Variants in TCP10L observed in about 807,000 individuals in gnomAD.
TCP10L encodes T-complex protein 10A homolog 1.
Under a neutral mutation model 19.2 loss-of-function variants are expected in TCP10L, and 11 were observed. The observed-to-expected ratio is 0.57, with a 90% CI of 0.36 to 0.95. The LOEUF is 0.95. Among genes scored for constraint, TCP10L ranks in the 40% least tolerant of loss-of-function variants. The probability of loss-of-function intolerance (pLI) is 0.01; values close to 1 mark genes in which losing one functional copy is unlikely to be tolerated. For missense variants in TCP10L, 247 were observed against 263.9 expected, an observed-to-expected ratio of 0.94 and a Z score of 0.44; for synonymous variants, 96 against 97.2, an observed-to-expected ratio of 0.99 and a Z score of 0.07.
In TCP10L at chr21:32,578,578, G is replaced by A; in HGVS notation, c.498+116C>T. On this transcript the variant is annotated intron_variant, in intron 4 of 4. Transcript: ENST00000300258. The surrounding 1 kb of genome is among the most constrained non-coding windows in gnomAD (Gnocchi z 4.2). ...GTCCTTGGAAGAACACAGGACTCCA[G>A]GGAGCACCATGCTCACCCAGGGAGG... 1 of 1,467,448 alleles carries A rather than the reference G, an allele frequency of 6.8e-7. No individual in the cohort carries two copies. Among genetic ancestry groups the A allele is most frequent in the Non-Finnish European group, 9.2e-7 (1 of 1,086,160 alleles). The allele number at this position is 1,467,448 out of a possible 1,614,324, so 90.9% of individuals were successfully genotyped here.
rs1453356190 is a variant in TCP10L, at chr21:32,578,873, G to T, written c.361-42C>A. The T allele has an allele frequency of 1.9e-6, 3 of 1,612,518 alleles. No individual in the cohort carries two copies. Among genetic ancestry groups the T allele is most frequent in the South Asian group, 2.2e-5 (2 of 90,782 alleles). ...AGGGAAATTCTTCACATTTTCGAAG[G>T]TAAAATAAATTCAAATTTTAATACA... On this transcript the variant is annotated intron_variant, in intron 3 of 4. Coordinates refer to ENST00000300258, the MANE Select transcript of TCP10L (RefSeq NM_144659.7). This position sits in a 1 kb window ranked among gnomAD's most constrained non-coding sequence, Gnocchi z 4.2.
Position 32,584,113 on chromosome 21 carries a change from G to C in TCP10L, c.144+48C>G, listed in dbSNP as rs774859738. 54 of 1,563,898 alleles carry C rather than the reference G, an allele frequency of 3.5e-5. No individual in the cohort carries two copies. In the East Asian group the frequency reaches 1.2e-3, roughly 36 times the overall value. ...TGACGGGCCTCAGGGACAGGAATCA[G>C]GGTCCCGCCTGGTGGGACTAACTCT... is the stretch of plus-strand genomic sequence containing the variant. On this transcript the variant is annotated intron_variant, in intron 2 of 4. Transcript: ENST00000300258.
In TCP10L at chr21:32,576,301, C is replaced by T; in HGVS notation, c.*473G>A. On this transcript the variant is annotated 3_prime_UTR_variant, in exon 5 of 5. Transcript: ENST00000300258. The stretch of plus-strand genomic sequence containing the variant: ...TTTTCTGCCACTCAAGTTTTGCAGA[C>T]TTCGGGAAGATGGATGCATAGCCTG... 6.4e-7 allele frequency: 1 copy of T among 1,568,354 alleles called. No individual in the cohort carries two copies. The highest frequency in any genetic ancestry group is 1.7e-5 in the Admixed American group (1 of 58,028).
At chr21:32,583,584 G>A (rs1413404981) in intron 2 of TCP10L, among the ~76,000 whole-genome samples, 2 of 93,902 alleles carry the variant, frequency 2.1e-5, no homozygotes, top group African/African-American at 4.9e-5. Context: ...GCGAGACTCC[G>A]TCTCAAAAAA....
rs900770441 is a variant in TCP10L at position 32,582,111 on chromosome 21, C to T, written c.360+89G>A. On this transcript the variant is annotated intron_variant, in intron 3 of 4. Coordinates refer to ENST00000300258, the MANE Select transcript of TCP10L (RefSeq NM_144659.7). This position sits in a 1 kb window ranked among gnomAD's most constrained non-coding sequence, Gnocchi z 4.2. ...ACCACCCGGAGCGTGAGTGATACCG[C>T]GTCATTCAGCAATAAAGCCCACATC... The T allele has an allele frequency of 2.8e-6, 4 of 1,443,990 alleles. No individual in the cohort carries two copies. The highest frequency in any genetic ancestry group is 1.9e-5 in the Admixed American group (1 of 53,374). The allele number at this position is 1,443,990 out of a possible 1,614,324, so 89.4% of individuals were successfully genotyped here. A position where few individuals can be genotyped will look rare whatever the true frequency, so the allele number is the denominator to read the frequency against.
At position 32,582,795 on chromosome 21, in the gene TCP10L, G is replaced by A. The variant is rs888428813; in HGVS notation, c.145-380C>T. Among the ~76,000 whole-genome samples the A allele has an allele frequency of 2.0e-5, 3 of 151,934 alleles. No homozygotes were observed. The highest frequency in any genetic ancestry group is 7.3e-5 in the African/African-American group (3 of 41,360). On this transcript the variant is annotated intron_variant, in intron 2 of 4. Transcript: ENST00000300258. This position sits in a 1 kb window ranked among gnomAD's most constrained non-coding sequence, Gnocchi z 4.2. The stretch of plus-strand genomic sequence containing the variant: ...TTTACTCGGGATGGGGGTTCACCAT[G>A]TTGCCCAGACTGGTCTCAAACTCCT...
At position 32,576,151 on chromosome 21, in the gene TCP10L, C is replaced by T; in HGVS notation, c.*623G>A. ...AGTAAGATGTTCTGCTCACGCGTATCCACGAGAAAGCCCCGCATTTCACGG... is the reference window on the plus strand; with the variant it reads ...AGTAAGATGTTCTGCTCACGCGTATTCACGAGAAAGCCCCGCATTTCACGG... On this transcript the variant is annotated 3_prime_UTR_variant, in exon 5 of 5. Coordinates refer to ENST00000300258, the MANE Select transcript of TCP10L (RefSeq NM_144659.7). 2 of 995,436 alleles carry T rather than the reference C, an allele frequency of 2.0e-6. No individual in the cohort carries two copies. Among genetic ancestry groups the T allele is most frequent in the South Asian group, 1.6e-5 (1 of 62,706 alleles). 61.7% of individuals were successfully genotyped at this position (995,436 alleles called of 1,614,324 possible).
At chr21:32,581,993 G>A (rs1695639081) in intron 3 of TCP10L, among the ~76,000 whole-genome samples, 1 of 152,144 alleles carries the variant, frequency 6.6e-6, no homozygotes, top group Admixed American at 6.5e-5. Flanking sequence ...GCTTCTGTCT[G>A]CTGGAGTGCC....
At position 32,576,800 on chromosome 21, in the gene TCP10L, A is replaced by G. The variant is rs1478049973; in HGVS notation, c.622T>C (p.Cys208Arg). Residue 208 changes from cysteine (C) to arginine (R), a missense_variant, in exon 5 of 5, where the codon TGT becomes CGT. Cys to Arg is a radical substitution (Grantham distance 180, BLOSUM62 -3). Coordinates refer to ENST00000300258, the MANE Select transcript of TCP10L (RefSeq NM_144659.7). ...RATPTGRPTP[C>R]AERRGGV Reference sequence around the variant, plus strand: ...CAGACACCCCCCCGTCTCTCTGCACAGGGAGTTGGCCTTCCAGTAGGTGTT... The same window carrying G: ...CAGACACCCCCCCGTCTCTCTGCACGGGGAGTTGGCCTTCCAGTAGGTGTT... The G allele has an allele frequency of 1.2e-6, 2 of 1,613,856 alleles. No homozygotes were observed. The highest frequency in any genetic ancestry group is 1.7e-6 in the Non-Finnish European group (2 of 1,180,002).
At chr21:32,584,430 G>A in intron 1 of TCP10L, 125 bp from the exon 2 acceptor site, 7 of 1,367,516 alleles carry the variant, frequency 5.1e-6, no homozygotes, top group Non-Finnish European at 6.8e-6. Context: ...TTCTCCCCCT[G>A]GGTCATGTGC....
In TCP10L at chr21:32,578,568, C is replaced by A; in HGVS notation, c.498+126G>T. ...ATGTACCCGTGTCCTTGGAAGAACACAGGACTCCAGGGAGCACCATGCTCA... is the reference window on the plus strand; with the variant it reads ...ATGTACCCGTGTCCTTGGAAGAACAAAGGACTCCAGGGAGCACCATGCTCA... On this transcript the variant is annotated intron_variant, in intron 4 of 4. Transcript: ENST00000300258. The surrounding 1 kb of genome is among the most constrained non-coding windows in gnomAD (Gnocchi z 4.2). 7.1e-7 allele frequency: 1 copy of A among 1,400,972 alleles called. No homozygotes were observed. The highest frequency in any genetic ancestry group is 1.4e-5 in the South Asian group (1 of 70,802). The allele number at this position is 1,400,972 out of a possible 1,614,324, so 86.8% of individuals were successfully genotyped here.
At chr21:32,577,187 A>G (rs1171193232) in intron 4 of TCP10L, among the ~76,000 whole-genome samples, 1 of 152,260 alleles carries the variant, frequency 6.6e-6, no homozygotes, top group East Asian at 1.9e-4. Context: ...TCAAAAATGC[A>G]TAATAAAAAT....
At chr21:32,579,150 G>A (rs1000395532) in intron 3 of TCP10L, among the ~76,000 whole-genome samples, 2 of 152,170 alleles carry the variant, frequency 1.3e-5, no homozygotes, top group Admixed American at 1.3e-4. Flanking sequence ...GTCTTCAACC[G>A]GGAGTGTGTT....
chr21:32,576,327 G>A lies in TCP10L; in HGVS notation c.*447C>T. ...TTCGGGAAGATGGATGCATAGCCTG[G>A]GGCAATGACAGTCACAGGCCCGCCT... On this transcript the variant is annotated 3_prime_UTR_variant, in exon 5 of 5. Transcript: ENST00000300258. 6.6e-7 allele frequency: 1 copy of A among 1,513,720 alleles called. No individual in the cohort carries two copies. Among genetic ancestry groups the A allele is most frequent in the Non-Finnish European group, 9.1e-7 (1 of 1,103,810 alleles). The allele number at this position is 1,513,720 out of a possible 1,614,324, so 93.8% of individuals were successfully genotyped here. A position where few individuals can be genotyped will look rare whatever the true frequency, so the allele number is the denominator to read the frequency against.
intron 2 of TCP10L, among the ~76,000 whole-genome samples, chr21:32,583,429 AATACAAAAAATTAGC>A (rs2146529598): frequency 6.6e-6 from 1 of 151,790 alleles, no homozygotes; most frequent in South Asian, 2.1e-4. Flanking sequence ...CTCTACTAAA[AATACAAAAAATTAGC>A]CGGGCGTAGT....
intron 2 of TCP10L, among the ~76,000 whole-genome samples, chr21:32,583,104 A>T (rs1487535047): frequency 7.7e-6 from 1 of 130,174 alleles, no homozygotes; most frequent in African/African-American, 3.0e-5. Context: ...GCGCAGTCTC[A>T]GCTCACTGCA....
intron 4 of TCP10L, 37 bp from the exon 5 acceptor site, chr21:32,576,960 C>G: frequency 1.3e-6 from 2 of 1,584,466 alleles, no homozygotes; most frequent in Non-Finnish European, 1.7e-6. Context: ...GCATTAGTAA[C>G]AATTATATTA....
chr21:32,583,037 T>TA (rs1476977326), intron 2 of TCP10L, among the ~76,000 whole-genome samples: 1 of 91,236 alleles, frequency 1.1e-5, no homozygotes, highest in Non-Finnish European at 2.4e-5. Flanking sequence ...TTTTTTTTTT[T>TA]TTTTTTTTTT....
At position 32,578,783 on chromosome 21, in the gene TCP10L, C is replaced by G; in HGVS notation, c.409G>C (p.Glu137Gln). 4 of 1,614,198 alleles carry G rather than the reference C, an allele frequency of 2.5e-6. No homozygotes were observed. Among genetic ancestry groups the G allele is most frequent in the Middle Eastern group, 1.6e-4 (1 of 6,062 alleles). Residue 137 changes from glutamate (E) to glutamine (Q), a missense_variant, in exon 4 of 5, where the codon GAG (glutamate) becomes CAG (glutamine). Glu to Gln is a conservative substitution (Grantham distance 29). Coordinates refer to ENST00000300258, the MANE Select transcript of TCP10L (RefSeq NM_144659.7). This position sits in a 1 kb window ranked among gnomAD's most constrained non-coding sequence, Gnocchi z 4.2. ...GKISPLSADE[E>Q]TIPKYAGHKN... ...TGGCCAGCGTATTTGGGTATTGTCTCTTCATCAGCTGACAGAGGTGAAATT... is the reference window on the plus strand; with the variant it reads ...TGGCCAGCGTATTTGGGTATTGTCTGTTCATCAGCTGACAGAGGTGAAATT...
Sources: gnomAD v4.1 joint callset for allele counts (sites outside exome capture counted in the v4.1 genomes callset) on GRCh38, gnomAD v4.1.1 for gene constraint, Gnocchi (gnomAD v3.1) non-coding constraint, MANE v1.5 for transcripts, NCBI Gene and HGNC (gene_info 2026-07-23, HGNC 2026-07-21) for gene names.